The following REV1 variants were observed in gnomAD, a reference collection of about 807,000 sequenced individuals.
REV1 encodes translesion synthesis protein REV1.
In REV1, 42 loss-of-function variants were observed where a neutral mutation model predicts 137.4. The observed-to-expected ratio is 0.31, with a 90% CI of 0.24 to 0.40. The LOEUF (loss-of-function observed/expected upper bound fraction) is 0.40. Among genes scored for constraint, REV1 ranks in the 10% least tolerant of loss-of-function variants. REV1 has a pLI of 1.00. For synonymous variants in REV1, 524 were observed against 519.2 expected, an observed-to-expected ratio of 1.01 and a Z score of -0.12; for missense variants, 1,282 against 1,490.1, an observed-to-expected ratio of 0.86 and a Z score of 2.30.
chr2:99,429,982 T>A lies in REV1; in HGVS notation c.1439-34A>T, dbSNP rs751872214. ...ATAAAAAAAAATTAATGGTTATATG[T>A]TATAAACTGATTTTCCCTCACTTTT... On this transcript the variant is annotated intron_variant, in intron 8 of 22. Coordinates refer to ENST00000258428, the MANE Select transcript of REV1 (RefSeq NM_016316.4). 2.3e-6 allele frequency: 3 copies of A among 1,291,630 alleles called. No individual in the cohort carries two copies. In the Admixed American group the frequency reaches 7.6e-5, roughly 33 times the overall value. 80.0% of individuals were successfully genotyped at this position (1,291,630 alleles called of 1,614,324 possible).
chr2:99,480,904 A>G (rs1686539353), intron 1 of REV1, among the ~76,000 whole-genome samples: 1 of 152,242 alleles, frequency 6.6e-6, no homozygotes, highest in Non-Finnish European at 1.5e-5. Flanking sequence ...TCAAGACACC[A>G]GAAGTCTTAT....
At chr2:99,457,775 C>T (rs1490478015) in intron 3 of REV1, among the ~76,000 whole-genome samples, 1 of 151,922 alleles carries the variant, frequency 6.6e-6, no homozygotes, top group African/African-American at 2.4e-5. Context: ...AGCAATCACT[C>T]TACCTGATAT....
At chr2:99,413,343 C>T (rs112796675) in intron 12 of REV1, among the ~76,000 whole-genome samples, 54 of 152,256 alleles carry the variant, frequency 3.5e-4, no homozygotes, top group African/African-American at 1.2e-3. Flanking sequence ...AACCAACTCA[C>T]GAAATGTAAG....
chr2:99,478,887 T>A (rs539176812), intron 1 of REV1, among the ~76,000 whole-genome samples: 1 of 152,220 alleles, frequency 6.6e-6, no homozygotes, highest in South Asian at 2.1e-4. Flanking sequence ...TAAAAATGTA[T>A]CTATAGTGGT....
Position 99,408,101 on chromosome 2 carries a change from A to T in REV1, c.2376T>A (p.Asn792Lys). ...GCATCGCCTTTCCAATTATTTTTGC[A>T]TTATCTGTTGCCTGGTCAAGAGTTA... is the stretch of plus-strand genomic sequence containing the variant. Reference protein sequence around the residue: ...RTVTLDQATDNAKIIGKAMLN... With the variant: ...RTVTLDQATDKAKIIGKAMLN... Residue 792 changes from asparagine (N) to lysine (K), a missense_variant, in exon 15 of 23, where the codon AAT (asparagine) becomes AAA (lysine). Asn to Lys is a moderately conservative substitution (Grantham distance 94). This residue lies in a region of REV1 where 372 missense variants were observed against 482.3 expected (regional missense o/e 0.77). Coordinates refer to ENST00000258428, the MANE Select transcript of REV1 (RefSeq NM_016316.4). 1 of 1,610,144 alleles carries T rather than the reference A, an allele frequency of 6.2e-7. No homozygotes were observed. Among genetic ancestry groups the T allele is most frequent in the Non-Finnish European group, 8.5e-7 (1 of 1,178,338 alleles).
chr2:99,447,853 C>T (rs907691047), intron 4 of REV1, among the ~76,000 whole-genome samples: 1 of 151,908 alleles, frequency 6.6e-6, no homozygotes, highest in Non-Finnish European at 1.5e-5. Flanking sequence ...CCCAAGTAAC[C>T]GGGATTACAG....
intron 9 of REV1, chr2:99,424,821 G>A (rs1205482878): frequency 2.3e-6 from 3 of 1,304,228 alleles, no homozygotes; most frequent in Non-Finnish European, 3.0e-6. Context: ...TGGCTCCACA[G>A]TGGTTGAGAT....
chr2:99,407,080 C>CTTGT (rs1676414631), intron 15 of REV1, among the ~76,000 whole-genome samples: 1 of 60,026 alleles, frequency 1.7e-5, no homozygotes, highest in Admixed American at 3.2e-4. Flanking sequence ...TACAAAGGTT[C>CTTGT]TTTTTTTTTT....
chr2:99,407,743 T>G (rs532326679), intron 15 of REV1, among the ~76,000 whole-genome samples: 23 of 152,336 alleles, frequency 1.5e-4, no homozygotes, highest in Non-Finnish European at 2.6e-4. Flanking sequence ...CACAGTCATA[T>G]CTACTTCTAG....
chr2:99,451,022 T>C (rs534279903), intron 3 of REV1, among the ~76,000 whole-genome samples: 5 of 152,280 alleles, frequency 3.3e-5, no homozygotes, highest in African/African-American at 9.6e-5. Context: ...TCAGAGTGAT[T>C]TAATGTGAAA....
At chr2:99,455,856 T>A (rs1158588623) in intron 3 of REV1, among the ~76,000 whole-genome samples, 1 of 152,166 alleles carries the variant, frequency 6.6e-6, no homozygotes, top group Non-Finnish European at 1.5e-5. Flanking sequence ...CTTGTTTCAT[T>A]TTGTGAATTG....
rs35637032 is a variant in REV1 at position 99,476,553 on chromosome 2, C to CAAT, written c.-10-11571_-10-11569dup. Among the ~76,000 whole-genome samples the CAAT allele has an allele frequency of 5.7e-3, 858 of 149,592 alleles. 3 individuals are homozygous for CAAT. Among genetic ancestry groups the CAAT allele is most frequent in the Middle Eastern group, 0.01 (3 of 292 alleles). On this transcript the variant is annotated intron_variant, in intron 1 of 22. Transcript: ENST00000258428. ...GCTGGGTGACAGAGCAAGAATCTGT[C>CAAT]AATAATAATAATAATAATAATAATA...
At chr2:99,484,468 C>T (rs1686940709) in intron 1 of REV1, among the ~76,000 whole-genome samples, 1 of 152,028 alleles carries the variant, frequency 6.6e-6, no homozygotes, top group East Asian at 1.9e-4. Context: ...CCAATTTAGC[C>T]CTGAGCAAAC....
chr2:99,417,094 A>AT (rs1271260895), intron 12 of REV1, among the ~76,000 whole-genome samples: 36 of 152,216 alleles, frequency 2.4e-4, no homozygotes, highest in African/African-American at 8.2e-4. Flanking sequence ...CCCCAAATTT[A>AT]TATGCTGAAG....
intron 15 of REV1, 102 bp from the exon 16 acceptor site, chr2:99,406,592 T>C (rs1384521490): frequency 2.2e-6 from 2 of 900,834 alleles, no homozygotes; most frequent in Non-Finnish European, 3.2e-6. Context: ...ATCTCCTGGA[T>C]CCTGTTTCTA....
chr2:99,444,806 TAA>T (rs780748269), intron 4 of REV1, among the ~76,000 whole-genome samples: 2 of 152,184 alleles, frequency 1.3e-5, no homozygotes, highest in Non-Finnish European at 2.9e-5. Context: ...AAGACCTTTT[TAA>T]AAATCTCTCT....
intron 1 of REV1, among the ~76,000 whole-genome samples, chr2:99,479,747 G>C (rs1464080642): frequency 6.6e-6 from 1 of 151,192 alleles, no homozygotes; most frequent in Non-Finnish European, 1.5e-5. Context: ...ACTGCACTTG[G>C]CCTGGGAGAC....
chr2:99,473,816 A>G (rs1355985597), intron 1 of REV1, among the ~76,000 whole-genome samples: 3 of 152,216 alleles, frequency 2.0e-5, no homozygotes, highest in African/African-American at 7.2e-5. Flanking sequence ...AGGTTTTGGT[A>G]CATAAGCCTT....
intron 1 of REV1, among the ~76,000 whole-genome samples, chr2:99,488,176 T>TA (rs1687308617): frequency 8.4e-6 from 1 of 119,176 alleles, no homozygotes; most frequent in East Asian, 2.2e-4. Context: ...CTGCAACTTC[T>TA]TATGAATAAT....
Sources: allele counts gnomAD v4.1 joint callset (sites outside exome capture counted in the v4.1 genomes callset), GRCh38; gene constraint gnomAD v4.1.1; regional missense constraint gnomAD v4.1.1; transcripts MANE v1.5; gene names NCBI Gene and HGNC (gene_info 2026-07-23, HGNC 2026-07-21).